The following ANKRD36C variants were observed in gnomAD, a reference collection of about 807,000 sequenced individuals.
ANKRD36C encodes ankyrin repeat domain 36C.
ANKRD36C carries 61 observed loss-of-function variants against 276.4 expected under a neutral mutation model. That is an observed-to-expected ratio of 0.22 (90% CI 0.18 to 0.27). The LOEUF is 0.27. ANKRD36C is among the 10% of genes least tolerant of loss of function. The pLI is 1.00. For synonymous variants in ANKRD36C, 483 were observed against 680.1 expected, an observed-to-expected ratio of 0.71 and a Z score of 4.51; for missense variants, 1,447 against 2,032.3, an observed-to-expected ratio of 0.71 and a Z score of 5.54.
At chr2:95,947,996 A>C (rs1416752526) in intron 17 of ANKRD36C, among the ~76,000 whole-genome samples, 3 of 152,094 alleles carry the variant, frequency 2.0e-5, no homozygotes, top group African/African-American at 4.8e-5. Flanking sequence ...AAATATATAG[A>C]ACCAAGAATA....
intron 24 of ANKRD36C, among the ~76,000 whole-genome samples, chr2:95,929,890 G>C (rs1677518963): frequency 6.6e-6 from 1 of 151,472 alleles, no homozygotes; most frequent in African/African-American, 2.4e-5. Flanking sequence ...GTATCTTCTA[G>C]TTTAGCCTTC....
intron 12 of ANKRD36C, 71 bp downstream of exon 12, chr2:95,958,520 A>G: frequency 6.6e-7 from 1 of 1,526,124 alleles, no homozygotes; most frequent in South Asian, 1.2e-5. Flanking sequence ...CCCCCTGCTG[A>G]TTTATTCGGG....
intron 13 of ANKRD36C, among the ~76,000 whole-genome samples, chr2:95,954,490 G>A (rs1394675080): frequency 2.0e-5 from 3 of 152,156 alleles, no homozygotes; most frequent in African/African-American, 7.2e-5. Context: ...GAAAATGGGA[G>A]TCTTGGATCT....
At chr2:95,908,648 C>G (rs66525771) in intron 42 of ANKRD36C, 21 bp downstream of exon 47, 13 of 1,564,060 alleles carry the variant, frequency 8.3e-6, no homozygotes, top group Non-Finnish European at 1.1e-5. Context: ...TAGTTCACAA[C>G]ATAAATGACA....
intron 46 of ANKRD36C, 83 bp from the exon 67 acceptor site, chr2:95,890,077 CTCTG>C (rs754380876): frequency 1.9e-4 from 284 of 1,511,272 alleles, no homozygotes; most frequent in Non-Finnish European, 2.5e-4. Context: ...TAGCATCAAT[CTCTG>C]TCCTCCTGCC....
intron 2 of ANKRD36C, 83 bp from the exon 3 acceptor site, chr2:95,987,007 G>A (rs368351177): frequency 2.5e-6 from 4 of 1,574,548 alleles, no homozygotes; most frequent in Non-Finnish European, 3.4e-6. Flanking sequence ...GTTATATGGT[G>A]GTATTCCAAT....
chr2:95,946,076 C>T (rs536431851), intron 17 of ANKRD36C, among the ~76,000 whole-genome samples: 1 of 138,128 alleles, frequency 7.2e-6, no homozygotes, highest in South Asian at 2.4e-4. Context: ...TAAAATAACA[C>T]ATCCCAAGAA....
intron 36 of ANKRD36C, among the ~76,000 whole-genome samples, chr2:95,917,077 C>G (rs1415271844): frequency 6.6e-6 from 1 of 151,474 alleles, no homozygotes; most frequent in Admixed American, 6.6e-5. Flanking sequence ...CTATTGTATC[C>G]AAGACGTAGC....
chr2:95,864,848 G>C (rs996501556), intron 60 of ANKRD36C, among the ~76,000 whole-genome samples: 30 of 151,914 alleles, frequency 2.0e-4, no homozygotes, highest in Non-Finnish European at 2.8e-4. Flanking sequence ...AGAAAGAAAG[G>C]TTTAACAACC....
At chr2:95,854,376 A>C (rs796297533) in intron 63 of ANKRD36C, among the ~76,000 whole-genome samples, 1 of 151,488 alleles carries the variant, frequency 6.6e-6, no homozygotes, top group Non-Finnish European at 1.5e-5. Context: ...CAGCTGCTAT[A>C]TCTCTCCTCC....
At chr2:95,965,538 C>T (rs1032837021) in intron 6 of ANKRD36C, among the ~76,000 whole-genome samples, 2 of 152,124 alleles carry the variant, frequency 1.3e-5, no homozygotes, top group Non-Finnish European at 2.9e-5. Flanking sequence ...GCAATCAACA[C>T]AGCCATGGGA....
At chr2:95,910,264 G>T (rs1292280307) in intron 42 of ANKRD36C, 109 bp downstream of exon 46, 40 of 1,248,936 alleles carry the variant, frequency 3.2e-5, no homozygotes, top group Non-Finnish European at 2.6e-5. Flanking sequence ...TCTCCGGCCT[G>T]CTGAATCAGA....
intron 3 of ANKRD36C, among the ~76,000 whole-genome samples, chr2:95,984,277 A>C (rs951947925): frequency 4.0e-5 from 6 of 151,864 alleles, no homozygotes; most frequent in African/African-American, 1.5e-4. Context: ...CTAGGTAGGC[A>C]CAGTAGCAAA....
chr2:95,921,245 T>C (rs1677259468), intron 34 of ANKRD36C, among the ~76,000 whole-genome samples: 1 of 150,688 alleles, frequency 6.6e-6, no homozygotes, highest in African/African-American at 2.5e-5. Flanking sequence ...CAGTACGATG[T>C]GATGTCTGTA....
intron 59 of ANKRD36C, among the ~76,000 whole-genome samples, chr2:95,871,289 A>G (rs180937561): frequency 9.7e-4 from 147 of 152,310 alleles, no homozygotes; most frequent in African/African-American, 3.1e-3. Flanking sequence ...GCCCACAAAG[A>G]GAAGCCCATC....
chr2:95,914,827 G>A (rs1677043883), intron 38 of ANKRD36C, among the ~76,000 whole-genome samples: 1 of 151,474 alleles, frequency 6.6e-6, no homozygotes, highest in Non-Finnish European at 1.5e-5. Context: ...GTCCTAAATT[G>A]ATCACTTTGG....
intron 34 of ANKRD36C, among the ~76,000 whole-genome samples, chr2:95,918,309 T>C (rs546028346): frequency 4.0e-5 from 6 of 151,754 alleles, no homozygotes; most frequent in South Asian, 4.1e-4. Flanking sequence ...TCAATCTCAA[T>C]GTGGATATGC....
chr2:95,880,686 T>C (rs2315420), intron 56 of ANKRD36C, 63 bp from the exon 77 acceptor site: 3 of 1,516,244 alleles, frequency 2.0e-6, no homozygotes, highest in African/African-American at 1.4e-5. Flanking sequence ...ACCATACATT[T>C]GTGGAGTGTT....
intron 24 of ANKRD36C, among the ~76,000 whole-genome samples, chr2:95,930,407 G>C (rs1175933763): frequency 1.3e-5 from 2 of 151,476 alleles, no homozygotes; most frequent in Non-Finnish European, 3.0e-5. Flanking sequence ...TCTGAAGTGA[G>C]TTCACTTAAT....
Sources: gnomAD v4.1 joint callset for allele counts (sites outside exome capture counted in the v4.1 genomes callset) on GRCh38, gnomAD v4.1.1 for gene constraint, MANE v1.5 for transcripts, NCBI Gene and HGNC (gene_info 2026-07-23, HGNC 2026-07-21) for gene names.